The following SLC39A9 variants were observed in gnomAD, a reference collection of about 807,000 sequenced individuals.
SLC39A9 encodes solute carrier family 39 member 9.
Under a neutral mutation model 28.4 loss-of-function variants are expected in SLC39A9, and 14 were observed. The observed-to-expected ratio is 0.49, with a 90% CI of 0.33 to 0.77. The LOEUF (loss-of-function observed/expected upper bound fraction) is 0.77, where lower values mean the gene tolerates loss of function less well. Among genes scored for constraint, SLC39A9 ranks in the 30% least tolerant of loss-of-function variants. The pLI is 0.02. For missense variants in SLC39A9, 283 were observed against 381.1 expected (o/e 0.74, Z 2.14); for synonymous variants, 119 against 149.6 (o/e 0.80, Z 1.49).
At chr14:69,429,964 T>A (rs533182822) in intron 2 of SLC39A9, among the ~76,000 whole-genome samples, 1 of 152,366 alleles carries the variant, frequency 6.6e-6, no homozygotes, top group South Asian at 2.1e-4. Context: ...CCTGTGATGA[T>A]GCTGAACATC....
At chr14:69,420,842 T>G (rs908657067) in intron 1 of SLC39A9, among the ~76,000 whole-genome samples, 3 of 152,262 alleles carry the variant, frequency 2.0e-5, no homozygotes, top group Non-Finnish European at 2.9e-5. Context: ...TTCAGCTACA[T>G]CAGGTCATTT....
chr14:69,399,940 C>T (rs1051450819), intron 1 of SLC39A9, among the ~76,000 whole-genome samples: 1 of 152,076 alleles, frequency 6.6e-6, no homozygotes, highest in Non-Finnish European at 1.5e-5. Context: ...CGTGGCGGGA[C>T]TTTGTCCCTA....
intron 2 of SLC39A9, among the ~76,000 whole-genome samples, chr14:69,426,799 G>A (rs75394138): frequency 0.012 from 1,753 of 152,250 alleles, 34 homozygotes; most frequent in African/African-American, 0.039. Flanking sequence ...TGTAAGTTAT[G>A]AACCAGGAAC....
chr14:69,405,231 C>G (rs1028401567), intron 1 of SLC39A9, among the ~76,000 whole-genome samples: 3 of 152,154 alleles, frequency 2.0e-5, no homozygotes, highest in Non-Finnish European at 4.4e-5. Context: ...ATAACTGACT[C>G]ATTCATAATA....
At chr14:69,442,660 A>G (rs1885104095) in intron 3 of SLC39A9, among the ~76,000 whole-genome samples, 1 of 152,226 alleles carries the variant, frequency 6.6e-6, no homozygotes, top group African/African-American at 2.4e-5. Context: ...ACAGTTACTA[A>G]AACATCAGAA....
intron 1 of SLC39A9, among the ~76,000 whole-genome samples, chr14:69,400,332 T>A (rs1214784487): frequency 6.6e-6 from 1 of 152,232 alleles, no homozygotes; most frequent in Non-Finnish European, 1.5e-5. Flanking sequence ...GTTTTGACAT[T>A]TTCGTTAATT....
intron 2 of SLC39A9, among the ~76,000 whole-genome samples, chr14:69,440,609 GAGAA>G (rs1175833504): frequency 1.3e-5 from 2 of 152,184 alleles, no homozygotes; most frequent in East Asian, 3.8e-4. Flanking sequence ...GAGAGAGACA[GAGAA>G]AGAAACAGAA....
At chr14:69,404,530 G>A (rs1278212712) in intron 1 of SLC39A9, among the ~76,000 whole-genome samples, 1 of 152,148 alleles carries the variant, frequency 6.6e-6, no homozygotes, top group African/African-American at 2.4e-5. Flanking sequence ...AGAAAAACTT[G>A]TAAAGATTTT....
In SLC39A9 at chr14:69,442,020, G is replaced by A. The variant is rs767399565; in HGVS notation, c.206-49G>A. The stretch of plus-strand genomic sequence containing the variant: ...AGAATGGAAACTCCTACATGAAAAT[G>A]TTTTTAGGGGAAAAACATATTTTCT... On this transcript the variant is annotated intron_variant, in intron 2 of 6. Coordinates refer to ENST00000336643, the MANE Select transcript of SLC39A9 (RefSeq NM_018375.5). 50 of 1,580,650 alleles carry A rather than the reference G, an allele frequency of 3.2e-5. No homozygotes were observed. In the Admixed American group the frequency reaches 8.4e-4, roughly 26 times the overall value.
intron 3 of SLC39A9, among the ~76,000 whole-genome samples, chr14:69,447,022 T>A (rs1885360190): frequency 6.6e-6 from 1 of 151,836 alleles, no homozygotes; most frequent in Non-Finnish European, 1.5e-5. Flanking sequence ...TTATTAAATG[T>A]AGAAAGAGTG....
At chr14:69,429,856 T>C (rs1412039252) in intron 2 of SLC39A9, among the ~76,000 whole-genome samples, 2 of 152,244 alleles carry the variant, frequency 1.3e-5, no homozygotes, top group African/African-American at 4.8e-5. Flanking sequence ...TCCCCTTCCT[T>C]GTCAACACTT....
At position 69,459,449 on chromosome 14, in the gene SLC39A9, G is replaced by C. The variant is rs1180428708; in HGVS notation, c.*856G>C. On this transcript the variant is annotated 3_prime_UTR_variant, in exon 7 of 7. Transcript: ENST00000336643. The stretch of plus-strand genomic sequence containing the variant: ...AACAGTCAGATCACAAAGTGTCTTT[G>C]GAAATTAAGGGATATTAAATTTTAA... The C allele has an allele frequency of 2.2e-5, 22 of 985,094 alleles. No individual in the cohort carries two copies. Among genetic ancestry groups the C allele is most frequent in the Non-Finnish European group, 2.5e-5 (21 of 829,888 alleles). The allele number at this position is 985,094 out of a possible 1,614,324, so 61.0% of individuals were successfully genotyped here.
intron 1 of SLC39A9, among the ~76,000 whole-genome samples, chr14:69,412,877 C>G (rs562664781): frequency 3.3e-5 from 5 of 152,306 alleles, no homozygotes; most frequent in Non-Finnish European, 7.4e-5. Flanking sequence ...AGTTTTACCT[C>G]ACGCTGCCTT....
At chr14:69,421,370 AAGCTTCGTC>A (rs1422058161) in intron 1 of SLC39A9, among the ~76,000 whole-genome samples, 1 of 152,148 alleles carries the variant, frequency 6.6e-6, no homozygotes, top group Non-Finnish European at 1.5e-5. Flanking sequence ...CTTCCTCTGG[AAGCTTCGTC>A]TCAGAGGGGC....
At chr14:69,424,821 A>G (rs534100833) in intron 2 of SLC39A9, among the ~76,000 whole-genome samples, 2 of 152,304 alleles carry the variant, frequency 1.3e-5, no homozygotes, top group East Asian at 3.9e-4. Flanking sequence ...GAAACTTCAC[A>G]GTTACCTGTG....
Position 69,412,313 on chromosome 14 carries a change from C to T in SLC39A9, c.97-11781C>T, listed in dbSNP as rs1000791445. ...CTGAGGCAGGAGAATGGCATGAACCCGGGAGGCGGAGCTTGCAGTGAGCCA... is the reference window on the plus strand; with the variant it reads ...CTGAGGCAGGAGAATGGCATGAACCTGGGAGGCGGAGCTTGCAGTGAGCCA... On this transcript the variant is annotated intron_variant, in intron 1 of 6. Transcript: ENST00000336643. 2.7e-4 allele frequency among the ~76,000 whole-genome samples: 41 copies of T among 151,410 alleles called. No individual in the cohort carries two copies. The East Asian group carries it at 5.6e-3, about 21-fold the overall frequency.
At chr14:69,404,802 T>A (rs1338564389) in intron 1 of SLC39A9, among the ~76,000 whole-genome samples, 2 of 152,210 alleles carry the variant, frequency 1.3e-5, no homozygotes, top group African/African-American at 4.8e-5. Flanking sequence ...TCATTATACT[T>A]ACTCTCATTT....
intron 1 of SLC39A9, 34 bp from the exon 2 acceptor site, chr14:69,424,060 A>G (rs1181292225): frequency 6.5e-7 from 1 of 1,536,340 alleles, no homozygotes; most frequent in Admixed American, 1.7e-5. Flanking sequence ...TAATTAATCA[A>G]AGTTTGCAAT....
rs1404419129 is a variant in SLC39A9, at chr14:69,460,623, G to A, written c.*2030G>A. On this transcript the variant is annotated 3_prime_UTR_variant, in exon 7 of 7. Coordinates refer to ENST00000336643, the MANE Select transcript of SLC39A9 (RefSeq NM_018375.5). ...ATGGTAATTTGTTCTACTGGCCAAA[G>A]CCTCTTTCAGCAGTGCCTTGCCATC... 4 of 985,430 alleles carry A rather than the reference G, an allele frequency of 4.1e-6. No individual in the cohort carries two copies. Among genetic ancestry groups the A allele is most frequent in the East Asian group, 2.3e-4 (2 of 8,814 alleles). The allele number at this position is 985,430 out of a possible 1,614,324, so 61.0% of individuals were successfully genotyped here.
Sources: gnomAD v4.1 joint callset for allele counts (sites outside exome capture counted in the v4.1 genomes callset) on GRCh38, gnomAD v4.1.1 for gene constraint, MANE v1.5 for transcripts, NCBI Gene and HGNC (gene_info 2026-07-23, HGNC 2026-07-21) for gene names.